ADAP2: variants seen among roughly 807,000 people sequenced by gnomAD.
ADAP2 encodes the protein ArfGAP with dual PH domains 2.
In ADAP2, 42 loss-of-function variants were observed where a neutral mutation model predicts 54.9. That is an observed-to-expected ratio of 0.77 (90% CI 0.60 to 0.99). ADAP2 has a LOEUF of 0.99. Among genes scored for constraint, ADAP2 ranks in the 50% least tolerant of loss-of-function variants. The pLI is 0.00. For synonymous variants in ADAP2, 177 were observed against 180.1 expected (o/e 0.98, Z 0.14); for missense variants, 429 against 480.4 (o/e 0.89, Z 1.00).
intron 5 of ADAP2, among the ~76,000 whole-genome samples, chr17:30,938,684 CTA>C (rs1464939515): frequency 6.6e-6 from 1 of 152,178 alleles, no homozygotes; most frequent in African/African-American, 2.4e-5. Context: ...TCACCTTACT[CTA>C]TTTCCTATAT....
intron 5 of ADAP2, among the ~76,000 whole-genome samples, chr17:30,943,088 G>A (rs1040826923): frequency 1.3e-5 from 2 of 152,186 alleles, no homozygotes; most frequent in Admixed American, 6.5e-5. Flanking sequence ...ACTATAGGCC[G>A]GATGCAGTGG....
chr17:30,938,498 C>T (rs1486339084), intron 5 of ADAP2, among the ~76,000 whole-genome samples: 2 of 152,138 alleles, frequency 1.3e-5, no homozygotes, highest in East Asian at 1.9e-4. Context: ...TAGAGGGTCA[C>T]GTATACACTG....
chr17:30,922,916 C>A, intron 1 of ADAP2, 24 bp from the exon 2 acceptor site: 1 of 1,609,516 alleles, frequency 6.2e-7, no homozygotes, highest in South Asian at 1.1e-5. Flanking sequence ...CCGCTCAGCT[C>A]CTCTCCTGCC....
chr17:30,937,167 A>G (rs1441057276), intron 5 of ADAP2, among the ~76,000 whole-genome samples: 1 of 151,624 alleles, frequency 6.6e-6, no homozygotes, highest in Non-Finnish European at 1.5e-5. Flanking sequence ...CTCGTGATCC[A>G]CCCACCTCAC....
chr17:30,922,820 G>A (rs1910736152), intron 1 of ADAP2, 120 bp from the exon 2 acceptor site: 1 of 1,192,922 alleles, frequency 8.4e-7, no homozygotes, highest in Non-Finnish European at 1.2e-6. Context: ...TGCCAGGCTG[G>A]CCGCTTAGTT....
chr17:30,922,163 C>T, intron 1 of ADAP2, 55 bp downstream of exon 1: 1 of 1,161,132 alleles, frequency 8.6e-7, no homozygotes, highest in Admixed American at 4.3e-5. Context: ...CCCAGGCCCA[C>T]CCGACTCCTC....
chr17:30,949,049 A>G (rs1053381622), intron 6 of ADAP2, among the ~76,000 whole-genome samples: 10 of 152,172 alleles, frequency 6.6e-5, no homozygotes, highest in Non-Finnish European at 1.0e-4. Context: ...AGTTCACTCA[A>G]TCCTTTTCCA....
intron 2 of ADAP2, among the ~76,000 whole-genome samples, chr17:30,925,761 A>AATTT (rs1230646004): frequency 6.6e-6 from 1 of 151,376 alleles, no homozygotes; most frequent in African/African-American, 2.4e-5. Flanking sequence ...ATACCTGGCT[A>AATTT]ATTTATTTAT....
chr17:30,946,971 G>A (rs951511978), intron 6 of ADAP2, among the ~76,000 whole-genome samples: 1 of 152,086 alleles, frequency 6.6e-6, no homozygotes, highest in Non-Finnish European at 1.5e-5. Flanking sequence ...AGGCACCCAA[G>A]GTCTCTGGCA....
At chr17:30,951,687 G>A (rs370256163) in intron 7 of ADAP2, among the ~76,000 whole-genome samples, 1 of 128,840 alleles carries the variant, frequency 7.8e-6, no homozygotes, top group African/African-American at 3.0e-5. Context: ...ACAGAGTCTC[G>A]CTCTTTCGCC....
intron 2 of ADAP2, among the ~76,000 whole-genome samples, chr17:30,923,862 G>A (rs976889793): frequency 1.2e-4 from 18 of 151,324 alleles, no homozygotes; most frequent in Non-Finnish European, 7.4e-5. Flanking sequence ...ACCATGCCCC[G>A]CTAATTTTTG....
At position 30,949,766 on chromosome 17, in the gene ADAP2, A is replaced by AAG. The variant is rs1555569448; in HGVS notation, c.741+397_741+398insGA. The stretch of plus-strand genomic sequence containing the variant: ...TCCGTCTCAAAAAAAAAAAAAAAAA[A>AAG]AAAGAAGAAGAAGCCAGACTAGTTT... On this transcript the variant is annotated intron_variant, in intron 7 of 10. Coordinates refer to ENST00000330889, the MANE Select transcript of ADAP2 (RefSeq NM_018404.3). Among the ~76,000 whole-genome samples the AAG allele has an allele frequency of 2.9e-3, 436 of 151,484 alleles. 6 individuals are homozygous for AAG. Among genetic ancestry groups the AAG allele is most frequent in the African/African-American group, 0.01 (418 of 41,206 alleles).
chr17:30,949,165 G>A, intron 6 of ADAP2, 122 bp from the exon 7 acceptor site: 1 of 728,946 alleles, frequency 1.4e-6, no homozygotes, highest in Non-Finnish European at 2.4e-6. Context: ...TGTGGGGTGT[G>A]TGCAGGTGCT....
chr17:30,943,408 T>C (rs1393509236), intron 5 of ADAP2, among the ~76,000 whole-genome samples: 1 of 151,810 alleles, frequency 6.6e-6, no homozygotes, highest in Non-Finnish European at 1.5e-5. Context: ...GAAAGAATTC[T>C]ACTGTAAAGA....
intron 5 of ADAP2, among the ~76,000 whole-genome samples, chr17:30,937,547 C>T (rs1046494794): frequency 2.6e-5 from 4 of 152,142 alleles, no homozygotes; most frequent in Admixed American, 6.5e-5. Flanking sequence ...AAAAGCAGCA[C>T]GCTGGCTGCT....
chr17:30,937,904 A>G (rs927995682), intron 5 of ADAP2, among the ~76,000 whole-genome samples: 19 of 152,186 alleles, frequency 1.2e-4, no homozygotes, highest in Non-Finnish European at 2.6e-4. Context: ...AGACATGGGG[A>G]AAGAAGTTGG....
At position 30,951,396 on chromosome 17, in the gene ADAP2, G is replaced by A. The variant is rs553929967; in HGVS notation, c.742-1892G>A. 5.9e-5 allele frequency among the ~76,000 whole-genome samples: 9 copies of A among 152,130 alleles called. No homozygotes were observed. The South Asian group carries it at 1.0e-3, about 18-fold the overall frequency. On this transcript the variant is annotated intron_variant, in intron 7 of 10. Coordinates refer to ENST00000330889, the MANE Select transcript of ADAP2 (RefSeq NM_018404.3). ...TCAAATTCCGAATATTGAGCAGTTC[G>A]GGACTCCATCTGTTTTCTCCAAATG...
intron 3 of ADAP2, among the ~76,000 whole-genome samples, chr17:30,930,145 G>A (rs760341135): frequency 2.0e-5 from 3 of 151,604 alleles, no homozygotes; most frequent in Non-Finnish European, 2.9e-5. Flanking sequence ...AATCTCAGCT[G>A]ACTGCAACCT....
intron 2 of ADAP2, among the ~76,000 whole-genome samples, chr17:30,924,876 T>G (rs1464711856): frequency 1.4e-5 from 2 of 140,756 alleles, no homozygotes; most frequent in Non-Finnish European, 3.1e-5. Flanking sequence ...GTTTTTTTTG[T>G]TTTTTTTTTT....
Sources: gnomAD v4.1 joint callset for allele counts (sites outside exome capture counted in the v4.1 genomes callset) on GRCh38, gnomAD v4.1.1 for gene constraint, MANE v1.5 for transcripts, NCBI Gene and HGNC (gene_info 2026-07-23, HGNC 2026-07-21) for gene names.